The following CYLC1 variants were observed in gnomAD, a reference collection of about 807,000 sequenced individuals.
The protein encoded by CYLC1 is cylicin-1.
Under a neutral mutation model 31.6 loss-of-function variants are expected in CYLC1, and 2 were observed. That is an observed-to-expected ratio of 0.06 (90% CI 0.03 to 0.20). The LOEUF is 0.20. CYLC1 is among the 10% of genes least tolerant of loss of function. CYLC1 has a pLI of 1.00. For missense variants in CYLC1, 595 were observed against 424.1 expected, an observed-to-expected ratio of 1.40 and a Z score of -3.54; for synonymous variants, 185 against 153.0, an observed-to-expected ratio of 1.21 and a Z score of -1.54.
chrX:83,873,726 TCAAAG>T lies in CYLC1; in HGVS notation c.1019_1023del (p.Ser340Ter), dbSNP rs1569334119. The T allele has an allele frequency of 4.2e-6, 5 of 1,186,185 alleles. No individual in the cohort carries two copies. The East Asian group carries it at 1.2e-4, about 28-fold the overall frequency. On this transcript the variant is annotated frameshift_variant, in exon 4 of 5. Coordinates refer to ENST00000329312, the MANE Select transcript of CYLC1 (RefSeq NM_021118.3). LOFTEE classifies it high-confidence loss of function. ...GTCTACTGATGCTGAATCTGGAGAC[TCAAAG>T]GATGAAAGGAAAGATACAAAGAAGG...
rs1208527257 is a variant in CYLC1, at chrX:83,877,895, TAC to T, written c.1923+3266_1923+3267del. Among the ~76,000 whole-genome samples the T allele has an allele frequency of 1.7e-4, 7 of 41,936 alleles. 1 individual carries two copies. The highest frequency in any genetic ancestry group is 2.3e-4 in the Non-Finnish European group (5 of 21,759). 36.4% of individuals were successfully genotyped at this position (41,936 alleles called of 115,157 possible). A position where few individuals can be genotyped will look rare whatever the true frequency, so the allele number is the denominator to read the frequency against. On this transcript the variant is annotated intron_variant, in intron 4 of 4. Coordinates refer to ENST00000329312, the MANE Select transcript of CYLC1 (RefSeq NM_021118.3). ...GTTTTTTCATATATATATATATATA[TAC>T]AAATATATATAAATATATATATATA...
intron 2 of CYLC1, among the ~76,000 whole-genome samples, chrX:83,871,021 G>A (rs138701074): frequency 4.4e-4 from 48 of 109,787 alleles, no homozygotes; most frequent in African/African-American, 1.4e-3. Context: ...TGTCAACACC[G>A]TGCTAGTTAT....
At chrX:83,880,067 G>A (rs2031887929) in intron 4 of CYLC1, among the ~76,000 whole-genome samples, 1 of 110,999 alleles carries the variant, frequency 9.0e-6, no homozygotes, top group Non-Finnish European at 1.9e-5. Flanking sequence ...TTTTCACATG[G>A]GTTATTTGTA....
intron 4 of CYLC1, among the ~76,000 whole-genome samples, chrX:83,876,975 A>G (rs1009881153): frequency 9.0e-6 from 1 of 110,547 alleles, no homozygotes; most frequent in Non-Finnish European, 1.9e-5. Flanking sequence ...GAGCTCCAAA[A>G]TCTCTCCACT....
intron 4 of CYLC1, among the ~76,000 whole-genome samples, chrX:83,878,382 A>ACT (rs2031847214): frequency 7.1e-4 from 4 of 5,673 alleles, no homozygotes; most frequent in African/African-American, 1.7e-3. Context: ...TATATATATA[A>ACT]ATATATATAA....
intron 2 of CYLC1, 39 bp from the exon 3 acceptor site, chrX:83,871,413 A>G: frequency 9.7e-7 from 1 of 1,032,277 alleles, no homozygotes; most frequent in East Asian, 3.1e-5. Context: ...GGAAAATCTG[A>G]CATTAACTCC....
In CYLC1 at chrX:83,861,196, G is replaced by C. The variant is rs142474490; in HGVS notation, c.14G>C (p.Arg5Thr). MSLP[R>T]LLKVNIRTYD... The stretch of plus-strand genomic sequence containing the variant: ...CAGGCAGGGGAAATGTCTCTTCCAA[G>C]GTTGTAAGTCCTCTTTTTAATATTT... Residue 5 changes from arginine (R) to threonine (T), a missense_variant, in exon 1 of 5, where the codon AGG becomes ACG. Coordinates refer to ENST00000329312, the MANE Select transcript of CYLC1 (RefSeq NM_021118.3). The C allele has an allele frequency of 0.015, 18,399 of 1,191,908 alleles. 167 individuals are homozygous for C. The highest frequency in any genetic ancestry group is 0.072 in the South Asian group (3,933 of 54,346).
In CYLC1 at chrX:83,879,454, A is replaced by G. The variant is rs892147008; in HGVS notation, c.1923+4823A>G. ...ACAACTTATTTTCTCACTTGACAAT[A>G]TCATGGTCATCCATATAAGTCGTTA... On this transcript the variant is annotated intron_variant, in intron 4 of 4. Transcript: ENST00000329312. Among the ~76,000 whole-genome samples, 14 of 112,141 alleles carry G rather than the reference A, an allele frequency of 1.2e-4. No individual in the cohort carries two copies. The Admixed American group carries it at 1.3e-3, about 11-fold the overall frequency.
intron 4 of CYLC1, among the ~76,000 whole-genome samples, chrX:83,883,356 T>A (rs1023411978): frequency 5.3e-5 from 6 of 112,186 alleles, no homozygotes; most frequent in African/African-American, 1.9e-4. Flanking sequence ...TTTGGAATTT[T>A]GTCATATTTA....
intron 4 of CYLC1, among the ~76,000 whole-genome samples, chrX:83,881,061 T>G (rs1201732189): frequency 9.0e-6 from 1 of 111,233 alleles, no homozygotes; most frequent in Non-Finnish European, 1.9e-5. Context: ...GAAGACAGAC[T>G]AAATAATCAG....
At position 83,871,087 on chromosome X, in the gene CYLC1, GA is replaced by G. The variant is rs146040502; in HGVS notation, c.59-356del. ...TGCAATCTAACTAAAGTGACATAAA[GA>G]AAAAAAAACAGGATAGACGAGATGA... On this transcript the variant is annotated intron_variant, in intron 2 of 4. Transcript: ENST00000329312. Among the ~76,000 whole-genome samples, 32 of 104,913 alleles carry G rather than the reference GA, an allele frequency of 3.1e-4. No individual in the cohort carries two copies. In the East Asian group the frequency reaches 8.4e-3, roughly 28 times the overall value. The allele number at this position is 104,913 out of a possible 115,157, so 91.1% of individuals were successfully genotyped here.
At chrX:83,863,499 C>G (rs1317493724) in intron 1 of CYLC1, among the ~76,000 whole-genome samples, 2 of 111,094 alleles carry the variant, frequency 1.8e-5, no homozygotes, top group Non-Finnish European at 3.8e-5. Context: ...CCCTTTATCC[C>G]ACTCTATTTT....
chrX:83,884,259 C>T (rs1358016289), intron 4 of CYLC1, among the ~76,000 whole-genome samples: 4 of 111,420 alleles, frequency 3.6e-5, no homozygotes, highest in Non-Finnish European at 7.6e-5. Flanking sequence ...TCTTAGCCTA[C>T]TTTTTGATGA....
chrX:83,882,086 G>A (rs1476198051), intron 4 of CYLC1, among the ~76,000 whole-genome samples: 4 of 111,408 alleles, frequency 3.6e-5, no homozygotes, highest in Non-Finnish European at 5.6e-5. Flanking sequence ...AAGTACCAGT[G>A]TAACTGAATG....
chrX:83,871,630 T>C (rs1602302816), intron 3 of CYLC1, 60 bp downstream of exon 3: 16 of 1,050,240 alleles, frequency 1.5e-5, no homozygotes, highest in South Asian at 2.2e-5. Context: ...CATATATAAA[T>C]ATAAGTAAGG....
chrX:83,873,654 A>G lies in CYLC1; in HGVS notation c.946A>G (p.Asn316Asp), dbSNP rs1263133627. 8.3e-7 allele frequency: 1 copy of G among 1,199,540 alleles called. No individual in the cohort carries two copies. The highest frequency in any genetic ancestry group is 1.1e-6 in the Non-Finnish European group (1 of 890,985). ...AKKDSKKVKKNVKKDDKKKDV... is the reference protein window; with the variant it reads ...AKKDSKKVKKDVKKDDKKKDV... Reference sequence around the variant, plus strand: ...GAAAGATTCAAAGAAAGTTAAGAAAAATGTCAAGAAAGATGACAAGAAAAA... The same window carrying G: ...GAAAGATTCAAAGAAAGTTAAGAAAGATGTCAAGAAAGATGACAAGAAAAA... Residue 316 changes from asparagine (N) to aspartate (D), a missense_variant, in exon 4 of 5, where the codon AAT becomes GAT. By Grantham distance (23) the Asn-to-Asp change is conservative (BLOSUM62 1). Coordinates refer to ENST00000329312, the MANE Select transcript of CYLC1 (RefSeq NM_021118.3).
At chrX:83,874,891 G>A (rs367764611) in intron 4 of CYLC1, among the ~76,000 whole-genome samples, 2 of 109,703 alleles carry the variant, frequency 1.8e-5, no homozygotes, top group East Asian at 5.7e-4. Flanking sequence ...GTGAAGTTAT[G>A]TATAAAGAAG....
At chrX:83,879,057 C>G (rs937856347) in intron 4 of CYLC1, among the ~76,000 whole-genome samples, 1 of 109,957 alleles carries the variant, frequency 9.1e-6, no homozygotes, top group Non-Finnish European at 1.9e-5. Flanking sequence ...GCAATATTCT[C>G]AAACGTAAGT....
At chrX:83,881,171 C>A (rs1166006497) in intron 4 of CYLC1, among the ~76,000 whole-genome samples, 2 of 110,800 alleles carry the variant, frequency 1.8e-5, no homozygotes, top group African/African-American at 6.6e-5. Context: ...TTGTATTAAA[C>A]TGGAAAGCAC....
Sources: allele counts gnomAD v4.1 joint callset (sites outside exome capture counted in the v4.1 genomes callset), GRCh38; gene constraint gnomAD v4.1.1; transcripts MANE v1.5; gene names NCBI Gene and HGNC (gene_info 2026-07-23, HGNC 2026-07-21).